The following TRAP1 variants were observed in gnomAD, a reference collection of about 807,000 sequenced individuals.
TRAP1 encodes TNF receptor associated protein 1.
A neutral mutation model predicts 89.1 loss-of-function variants in TRAP1; 102 were observed. That is an observed-to-expected ratio of 1.15 (90% CI 0.98 to 1.35). The LOEUF (loss-of-function observed/expected upper bound fraction) is 1.35, where lower values mean the gene tolerates loss of function less well. Ranked by LOEUF, TRAP1 falls within the 40% of genes most tolerant of loss-of-function variation. The probability of loss-of-function intolerance (pLI) is 0.00; values close to 1 mark genes in which losing one functional copy is unlikely to be tolerated. For missense variants in TRAP1, 1,256 were observed against 945.3 expected, an observed-to-expected ratio of 1.33 and a Z score of -4.31; for synonymous variants, 508 against 388.0, an observed-to-expected ratio of 1.31 and a Z score of -3.64.
At chr16:3,692,099 GAT>G (rs1182977491) in intron 1 of TRAP1, among the ~76,000 whole-genome samples, 1 of 152,174 alleles carries the variant, frequency 6.6e-6, no homozygotes, top group Non-Finnish European at 1.5e-5. Flanking sequence ...TGGTGTCAAG[GAT>G]ATGTGGCCAG....
In TRAP1 at chr16:3,663,993, G is replaced by A. The variant is rs376464788; in HGVS notation, c.1569+281C>T. ...CAGGAGAATGACCTGAACCCAGGAG[G>A]CGGAAGTTGCAGTGAGCCGAGATCG... On this transcript the variant is annotated intron_variant, in intron 13 of 17. Transcript: ENST00000246957. The A allele has an allele frequency of 5.2e-4, 193 of 372,226 alleles. 1 individual carries two copies. In the East Asian group the frequency reaches 8.8e-3, roughly 17 times the overall value. 23.1% of individuals were successfully genotyped at this position (372,226 alleles called of 1,614,324 possible).
At position 3,662,973 on chromosome 16, in the gene TRAP1, G is replaced by A. The variant is rs1290451539; in HGVS notation, c.1709-6C>T. On this transcript the variant is annotated splice_polypyrimidine_tract_variant and splice_region_variant and intron_variant, in intron 14 of 17. Transcript: ENST00000246957. ...CTCTGATAGGCACTCGGCGGCTGCG[G>A]AAGAGCAGGCGACAGGGAGCTCAGG... is the stretch of plus-strand genomic sequence containing the variant. 1.3e-5 allele frequency: 21 copies of A among 1,604,878 alleles called. No individual in the cohort carries two copies. The highest frequency in any genetic ancestry group is 1.8e-5 in the Non-Finnish European group (21 of 1,178,546).
In TRAP1 at chr16:3,665,971, C is replaced by G; in HGVS notation, c.1383G>C (p.Lys461Asn). The G allele has an allele frequency of 6.2e-7, 1 of 1,612,984 alleles. No individual in the cohort carries two copies. Among genetic ancestry groups the G allele is most frequent in the Non-Finnish European group, 8.5e-7 (1 of 1,179,558 alleles). The change falls in exon 12 of 18, where the codon AAG becomes AAC. Residue 461 changes from lysine to asparagine, a missense_variant and splice_region_variant. Lys to Asn is a moderately conservative substitution (Grantham distance 94, BLOSUM62 0). Transcript: ENST00000246957. Reference sequence around the variant, plus strand: ...AAGGCCTGGAACACAGCTCCTATACCTTGACCTCCTGCTCGGTGGCGGTCA... The same window carrying G: ...AAGGCCTGGAACACAGCTCCTATACGTTGACCTCCTGCTCGGTGGCGGTCA... ...GIVTATEQEV[K>N]EDIAKLLRYE...
intron 11 of TRAP1, among the ~76,000 whole-genome samples, chr16:3,669,017 A>G (rs1486527791): frequency 2.6e-5 from 4 of 152,194 alleles, no homozygotes. Flanking sequence ...ACGTGTCCTC[A>G]GTTCAGTGGG....
chr16:3,675,113 T>C (rs1012309408), intron 8 of TRAP1, among the ~76,000 whole-genome samples: 1 of 152,148 alleles, frequency 6.6e-6, no homozygotes, highest in Non-Finnish European at 1.5e-5. Flanking sequence ...CAGTGAACCC[T>C]GACCCCTGAC....
chr16:3,682,799 G>A (rs1176124635), intron 4 of TRAP1, among the ~76,000 whole-genome samples: 1 of 151,994 alleles, frequency 6.6e-6, no homozygotes, highest in East Asian at 1.9e-4. Flanking sequence ...GGTCAAGGCT[G>A]CAGCGAACCC....
intron 1 of TRAP1, among the ~76,000 whole-genome samples, chr16:3,710,871 A>ATTTT (rs1289903709): frequency 1.8e-5 from 2 of 109,126 alleles, no homozygotes; most frequent in African/African-American, 9.8e-5. Context: ...ATATATATAT[A>ATTTT]TATATATATT....
chr16:3,678,661 C>A (rs2151259276), intron 5 of TRAP1: 1 of 152,366 alleles, frequency 6.6e-6, no homozygotes, highest in South Asian at 2.1e-4. Flanking sequence ...CGGGGTTTCA[C>A]CGTGTTAGCC....
Position 3,658,786 on chromosome 16 carries a change from C to T in TRAP1, c.2013+7G>A, listed in dbSNP as rs779911637. On this transcript the variant is annotated splice_region_variant and intron_variant, in intron 17 of 17. Coordinates refer to ENST00000246957, the MANE Select transcript of TRAP1 (RefSeq NM_016292.3). ...TCCCTGCAGTCATCCTAAGCTGCTG[C>T]ACTCACCTGATCCACCAGCAGCTGA... is the stretch of plus-strand genomic sequence containing the variant. 2 of 1,613,348 alleles carry T rather than the reference C, an allele frequency of 1.2e-6. No individual in the cohort carries two copies. The highest frequency in any genetic ancestry group is 2.2e-5 in the South Asian group (2 of 91,016).
chr16:3,690,540 C>A (rs953562819), intron 2 of TRAP1, among the ~76,000 whole-genome samples: 4 of 152,182 alleles, frequency 2.6e-5, no homozygotes, highest in African/African-American at 9.7e-5. Flanking sequence ...AGTTTCCCCT[C>A]CCGCTTCCAT....
chr16:3,702,441 C>T (rs891169007), intron 1 of TRAP1, among the ~76,000 whole-genome samples: 2 of 151,524 alleles, frequency 1.3e-5, no homozygotes, highest in South Asian at 2.1e-4. Flanking sequence ...TTTCAAGAGG[C>T]AGATCATTTT....
chr16:3,696,300 G>T (rs923690097), intron 1 of TRAP1, among the ~76,000 whole-genome samples: 1 of 152,184 alleles, frequency 6.6e-6, no homozygotes, highest in African/African-American at 2.4e-5. Context: ...AAAGGACGGG[G>T]TGTGTCAGGA....
chr16:3,717,383 C>A (rs2051611877), intron 1 of TRAP1, 38 bp downstream of exon 1: 8 of 908,892 alleles, frequency 8.8e-6, no homozygotes, highest in Non-Finnish European at 1.1e-5. Context: ...CTCCGTGGCC[C>A]GGCCCGCCCG....
rs144787542 is a variant in TRAP1, at chr16:3,664,437, C to G, written c.1406G>C (p.Arg469Pro). ...GGAGGGCAGCGCCGAGGACTCGTAGCGCAGCAGCTTTGCTATGTCCTCCTA... is the reference window on the plus strand; with the variant it reads ...GGAGGGCAGCGCCGAGGACTCGTAGGGCAGCAGCTTTGCTATGTCCTCCTA... ...EVKEDIAKLL[R>P]YESSALPSGQ... The change falls in exon 13 of 18, where the codon CGC (arginine) becomes CCC (proline). Residue 469 changes from arginine to proline, a missense_variant. By Grantham distance (103) the Arg-to-Pro change is moderately radical. Transcript: ENST00000246957. 6.2e-7 allele frequency: 1 copy of G among 1,611,712 alleles called. No homozygotes were observed. The highest frequency in any genetic ancestry group is 8.5e-7 in the Non-Finnish European group (1 of 1,179,236).
chr16:3,670,382 CAAAAAAAAAAAAAAAAAA>C (rs760902038), intron 11 of TRAP1, among the ~76,000 whole-genome samples: 2 of 22,826 alleles, frequency 8.8e-5, no homozygotes, highest in South Asian at 6.4e-3. Flanking sequence ...GACTCCGTCT[CAAAAAAAAAAAAAAAAAA>C]AAAAAAAAAA....
At chr16:3,713,099 C>G (rs1403194148) in intron 1 of TRAP1, among the ~76,000 whole-genome samples, 1 of 152,088 alleles carries the variant, frequency 6.6e-6, no homozygotes, top group Non-Finnish European at 1.5e-5. Flanking sequence ...ATCTCAGCAA[C>G]ACAAAGAGCT....
intron 11 of TRAP1, among the ~76,000 whole-genome samples, chr16:3,670,409 A>AAAAAAAAAAAAAC: frequency 6.7e-6 from 1 of 149,274 alleles, no homozygotes; most frequent in African/African-American, 2.5e-5. Context: ...AAAAAAAAAA[A>AAAAAAAAAAAAAC]AATCTAAGTG....
intron 1 of TRAP1, 24 bp from the exon 2 acceptor site, chr16:3,691,009 G>C (rs1040475718): frequency 6.9e-7 from 1 of 1,456,394 alleles, no homozygotes; most frequent in Non-Finnish European, 9.1e-7. Flanking sequence ...TATGCAGAAA[G>C]AATGAGAATT....
intron 1 of TRAP1, among the ~76,000 whole-genome samples, chr16:3,693,541 G>C (rs1214885545): frequency 3.9e-5 from 6 of 152,192 alleles, no homozygotes; most frequent in African/African-American, 1.4e-4. Flanking sequence ...GGAGGGAAGT[G>C]TCCAAGTGCC....
Sources: gnomAD v4.1 joint callset for allele counts (sites outside exome capture counted in the v4.1 genomes callset) on GRCh38, gnomAD v4.1.1 for gene constraint, MANE v1.5 for transcripts, NCBI Gene and HGNC (gene_info 2026-07-23, HGNC 2026-07-21) for gene names.